PLK4: variants seen among roughly 807,000 people sequenced by gnomAD.
PLK4 encodes the protein polo like kinase 4.
In PLK4, 51 loss-of-function variants were observed where a neutral mutation model predicts 103.0. That is an observed-to-expected ratio of 0.50 (90% CI 0.40 to 0.63). PLK4 has a LOEUF of 0.63. Among genes scored for constraint, PLK4 ranks in the 20% least tolerant of loss-of-function variants. The pLI is 0.00. For missense variants in PLK4, 1,054 were observed against 1,151.0 expected (o/e 0.92, Z 1.22); for synonymous variants, 389 against 376.8 (o/e 1.03, Z -0.38).
In PLK4 at chr4:127,885,799, A is replaced by T; in HGVS notation, c.429A>T (p.Leu143=). 6.2e-7 allele frequency: 1 copy of T among 1,613,818 alleles called. No individual in the cohort carries two copies. Among genetic ancestry groups the T allele is most frequent in the Non-Finnish European group, 8.5e-7 (1 of 1,179,770 alleles). The part of the protein sequence containing the change: ...LHRDLTLSNL[L]LTRNMNIKIA... The stretch of plus-strand genomic sequence containing the variant: ...GGGACCTCACACTTTCTAACCTCCT[A>T]CTGACTCGTAATATGAACATCAAGA... Residue 143 remains leucine, a synonymous_variant, in exon 5 of 16, where the codon CTA becomes CTT. Coordinates refer to ENST00000270861, the MANE Select transcript of PLK4 (RefSeq NM_014264.5).
intron 6 of PLK4, among the ~76,000 whole-genome samples, chr4:127,889,598 A>T (rs1054993676): frequency 6.6e-6 from 1 of 152,206 alleles, no homozygotes; most frequent in Non-Finnish European, 1.5e-5. Flanking sequence ...TTTTGCCTTA[A>T]TTGAAAAATT....
At chr4:127,884,311 G>T (rs1005707909) in intron 4 of PLK4, among the ~76,000 whole-genome samples, 3 of 152,148 alleles carry the variant, frequency 2.0e-5, no homozygotes, top group Non-Finnish European at 2.9e-5. Context: ...TTGCTGATAG[G>T]CTTCTTGTAC....
chr4:127,881,036 C>T lies in PLK4; in HGVS notation c.-99C>T, dbSNP rs1232384525. 2 of 1,392,920 alleles carry T rather than the reference C, an allele frequency of 1.4e-6. No homozygotes were observed. The highest frequency in any genetic ancestry group is 2.3e-5 in the East Asian group (1 of 43,298). The allele number at this position is 1,392,920 out of a possible 1,614,324, so 86.3% of individuals were successfully genotyped here. On this transcript the variant is annotated 5_prime_UTR_variant, in exon 1 of 16. Transcript: ENST00000270861. ...TGGAGCGGCGGTTTAGAGAGCCGAG[C>T]CTGATGGGCGCCAAGGCCGGCTGGC...
rs373139306 is a variant in PLK4, at chr4:127,887,610, G to C, written c.1459+114G>C. 39 of 675,494 alleles carry C rather than the reference G, an allele frequency of 5.8e-5. No homozygotes were observed. The South Asian group carries it at 6.2e-4, about 11-fold the overall frequency. 41.8% of individuals were successfully genotyped at this position (675,494 alleles called of 1,614,324 possible). On this transcript the variant is annotated intron_variant, in intron 6 of 15. Coordinates refer to ENST00000270861, the MANE Select transcript of PLK4 (RefSeq NM_014264.5). ...AATCATTTTCTTGCTTGGTGCAGTA[G>C]CTCATGCCTGTAATCCCAACACTTG...
In PLK4 at chr4:127,885,701, C is replaced by T; in HGVS notation, c.338-7C>T. The T allele has an allele frequency of 6.3e-7, 1 of 1,583,012 alleles. No homozygotes were observed. On this transcript the variant is annotated splice_polypyrimidine_tract_variant and splice_region_variant and intron_variant, in intron 4 of 15. Transcript: ENST00000270861. ...ATTGTAAATTCTCTTTTTTAAAATC[C>T]TAACAGCTCGACACTTCATGCACCA... is the stretch of plus-strand genomic sequence containing the variant.
Position 127,895,071 on chromosome 4 carries a change from A to T in PLK4, c.2681A>T (p.Lys894Ile), listed in dbSNP as rs749350303. ...SAQLLKSVFV[K>I]NVGWATQLTS... ...CAACTTTTGAAATCTGTTTTTGTGA[A>T]AAATGTTGGTTGGGCTACACAGGTG... Residue 894 changes from lysine (K) to isoleucine (I), a missense_variant, in exon 14 of 16, where the codon AAA becomes ATA. By Grantham distance (102) the Lys-to-Ile change is moderately radical. Coordinates refer to ENST00000270861, the MANE Select transcript of PLK4 (RefSeq NM_014264.5). The T allele has an allele frequency of 1.2e-6, 2 of 1,612,142 alleles. No individual in the cohort carries two copies. Among genetic ancestry groups the T allele is most frequent in the Non-Finnish European group, 1.7e-6 (2 of 1,179,224 alleles).
At chr4:127,893,212 A>G (rs1330864127) in intron 10 of PLK4, 73 bp from the exon 11 acceptor site, 4 of 916,886 alleles carry the variant, frequency 4.4e-6, no homozygotes, top group Non-Finnish European at 6.6e-6. Context: ...ATATACTGGT[A>G]TGATAATAAA....
In PLK4 at chr4:127,895,108, G is replaced by A. The variant is rs746301511; in HGVS notation, c.2703+15G>A. The A allele has an allele frequency of 1.3e-6, 2 of 1,550,500 alleles. No individual in the cohort carries two copies. Among genetic ancestry groups the A allele is most frequent in the Admixed American group, 2.0e-5 (1 of 49,882 alleles). ...GGGCTACACAGGTGAGAAGTTTCTA[G>A]TACAGTGCATTTTCTCAGTATGAAT... On this transcript the variant is annotated intron_variant, in intron 14 of 15. Coordinates refer to ENST00000270861, the MANE Select transcript of PLK4 (RefSeq NM_014264.5).
intron 8 of PLK4, 79 bp from the exon 9 acceptor site, chr4:127,891,500 A>G: frequency 1.9e-6 from 1 of 538,356 alleles, no homozygotes; most frequent in Non-Finnish European, 3.3e-6. Flanking sequence ...ACATTTAAAC[A>G]CTTTGTATAC....
Position 127,898,905 on chromosome 4 carries a change from CCTG to C in PLK4, c.*368_*370del, listed in dbSNP as rs1735678229. 6.2e-6 allele frequency: 1 copy of C among 160,760 alleles called. No individual in the cohort carries two copies. Among genetic ancestry groups the C allele is most frequent in the African/African-American group, 2.4e-5 (1 of 41,742 alleles). The allele number at this position is 160,760 out of a possible 1,614,324, so 10.0% of individuals were successfully genotyped here. On this transcript the variant is annotated 3_prime_UTR_variant, in exon 16 of 16. Transcript: ENST00000270861. ...GACATGTTGAGAATCATGGACAAAA[CCTG>C]CTGGAATTTTGGAATTTTTGAAGAT...
At position 127,883,358 on chromosome 4, in the gene PLK4, G is replaced by A; in HGVS notation, c.222+1G>A. The A allele has an allele frequency of 6.4e-7, 1 of 1,560,774 alleles. No individual in the cohort carries two copies. Among genetic ancestry groups the A allele is most frequent in the Non-Finnish European group, 8.8e-7 (1 of 1,132,438 alleles). Reference sequence around the variant, plus strand: ...ATTGAAACATCCTTCTATCTTGGAGGTAAGATATAAATTTTGTAGAAGTGA... The same window carrying A: ...ATTGAAACATCCTTCTATCTTGGAGATAAGATATAAATTTTGTAGAAGTGA... On this transcript the variant is annotated splice_donor_variant, in intron 3 of 15. Coordinates refer to ENST00000270861, the MANE Select transcript of PLK4 (RefSeq NM_014264.5). LOFTEE classifies it high-confidence loss of function.
chr4:127,890,204 A>C lies in PLK4; in HGVS notation c.1798A>C (p.Lys600Gln). Residue 600 changes from lysine (K) to glutamine (Q), a missense_variant, in exon 7 of 16, where the codon AAA becomes CAA. Physicochemically the swap from Lys to Gln is moderately conservative, Grantham distance 53. Coordinates refer to ENST00000270861, the MANE Select transcript of PLK4 (RefSeq NM_014264.5). ...ITSPLVAHRL[K>Q]PIRQKTKKAV... ...ATCTCCGTTGGTTGCTCACAGGTTA[A>C]AACCAATCAGACAGAAAACCAAAAA... 1.2e-6 allele frequency: 2 copies of C among 1,608,888 alleles called. No individual in the cohort carries two copies. Among genetic ancestry groups the C allele is most frequent in the Non-Finnish European group, 1.7e-6 (2 of 1,177,518 alleles).
chr4:127,896,707 A>G, intron 14 of PLK4, 94 bp from the exon 15 acceptor site: 5 of 643,446 alleles, frequency 7.8e-6, no homozygotes, highest in Non-Finnish European at 1.4e-5. Flanking sequence ...ATACAGAACC[A>G]CAAACCCTCT....
intron 15 of PLK4, 108 bp downstream of exon 15, chr4:127,897,015 G>A: frequency 1.6e-6 from 1 of 619,658 alleles, no homozygotes; most frequent in Non-Finnish European, 2.9e-6. Flanking sequence ...TTTTGACAAT[G>A]ATCGTGTGAT....
rs1735669749 is a variant in PLK4 at position 127,898,708 on chromosome 4, C to T, written c.*167C>T. On this transcript the variant is annotated 3_prime_UTR_variant, in exon 16 of 16. Coordinates refer to ENST00000270861, the MANE Select transcript of PLK4 (RefSeq NM_014264.5). ...TCTGAGAGAACAAAGCAGAATGAAA[C>T]TTGAGTCACTTACTAAATATAGTGG... 1.9e-6 allele frequency: 1 copy of T among 518,924 alleles called. No individual in the cohort carries two copies. The highest frequency in any genetic ancestry group is 3.4e-6 in the Non-Finnish European group (1 of 296,322). 32.1% of individuals were successfully genotyped at this position (518,924 alleles called of 1,614,324 possible). A position where few individuals can be genotyped will look rare whatever the true frequency, so the allele number is the denominator to read the frequency against.
At chr4:127,895,123 T>G in intron 14 of PLK4, 30 bp downstream of exon 14, 1 of 1,461,152 alleles carries the variant, frequency 6.8e-7, no homozygotes, top group Non-Finnish European at 9.2e-7. Flanking sequence ...GTGCATTTTC[T>G]CAGTATGAAT....
Position 127,886,057 on chromosome 4 carries a change from A to C in PLK4, c.687A>C (p.Glu229Asp). The change falls in exon 5 of 16, where the codon GAA becomes GAC. Residue 229 changes from glutamate to aspartate, a missense_variant. Coordinates refer to ENST00000270861, the MANE Select transcript of PLK4 (RefSeq NM_014264.5). ...ATAAAGTAGTATTGGCAGATTATGA[A>C]ATGCCATCTTTTTTGTCAATAGAGG... ...TLNKVVLADY[E>D]MPSFLSIEAK... The C allele has an allele frequency of 6.2e-7, 1 of 1,613,974 alleles. No homozygotes were observed. Among genetic ancestry groups the C allele is most frequent in the Non-Finnish European group, 8.5e-7 (1 of 1,179,790 alleles).
chr4:127,889,115 C>T (rs565669457), intron 6 of PLK4, among the ~76,000 whole-genome samples: 1 of 151,902 alleles, frequency 6.6e-6, no homozygotes, highest in South Asian at 2.1e-4. Flanking sequence ...TTATTTGATA[C>T]AAAATACTTT....
intron 14 of PLK4, 136 bp from the exon 15 acceptor site, chr4:127,896,665 T>C: frequency 2.2e-6 from 1 of 461,342 alleles, no homozygotes; most frequent in Non-Finnish European, 3.9e-6. Context: ...TTTTTTTAAC[T>C]GTGGAAAACC....
Sources: allele counts gnomAD v4.1 joint callset (sites outside exome capture counted in the v4.1 genomes callset), GRCh38; gene constraint gnomAD v4.1.1; transcripts MANE v1.5; gene names NCBI Gene and HGNC (gene_info 2026-07-23, HGNC 2026-07-21).